Variants in COL27A1 observed in about 807,000 individuals in gnomAD.
COL27A1 encodes collagen type XXVII alpha 1 chain.
In COL27A1, 106 loss-of-function variants were observed where a neutral mutation model predicts 251.3. The observed-to-expected ratio is 0.42, with a 90% CI of 0.36 to 0.50. The LOEUF (loss-of-function observed/expected upper bound fraction) is 0.50. COL27A1 is among the 20% of genes least tolerant of loss of function. The pLI, the probability that COL27A1 is intolerant of heterozygous loss-of-function variation, is 0.00. For synonymous variants in COL27A1, 1,000 were observed against 986.3 expected (o/e 1.01, Z -0.26); for missense variants, 2,325 against 2,522.8 (o/e 0.92, Z 1.68).
chr9:114,202,496 T>C (rs934783450), intron 7 of COL27A1, among the ~76,000 whole-genome samples: 1 of 152,208 alleles, frequency 6.6e-6, no homozygotes, highest in African/African-American at 2.4e-5. Context: ...TTCTTCCTAA[T>C]CTGCAAGCTC....
Position 114,265,819 on chromosome 9 carries a change from C to T in COL27A1, c.3393+344C>T, listed in dbSNP as rs2046890. ...GATAAGAGTAAACGAACAAGCTGAC[C>T]GGGAACTGCAGAGTCCAGCATGGCT... On this transcript the variant is annotated intron_variant, in intron 32 of 60. Coordinates refer to ENST00000356083, the MANE Select transcript of COL27A1 (RefSeq NM_032888.4). Among the ~76,000 whole-genome samples the T allele has an allele frequency of 1.8e-3, 273 of 152,294 alleles. 8 individuals are homozygous for T. In the East Asian group the frequency reaches 0.047, roughly 26 times the overall value.
chr9:114,267,901 C>T (rs1415421215), intron 34 of COL27A1, among the ~76,000 whole-genome samples: 1 of 152,170 alleles, frequency 6.6e-6, no homozygotes, highest in Non-Finnish European at 1.5e-5. Flanking sequence ...TGGGGAGAGC[C>T]CCCTCCCCAT....
intron 28 of COL27A1, among the ~76,000 whole-genome samples, chr9:114,263,031 T>C (rs896079656): frequency 1.8e-4 from 26 of 141,710 alleles, no homozygotes; most frequent in Admixed American, 6.2e-4. Flanking sequence ...CTCCGCCTCC[T>C]GGGTTCAAGC....
chr9:114,155,062 C>G (rs1032625758), upstream of COL27A1, among the ~76,000 whole-genome samples: 40 of 152,020 alleles, frequency 2.6e-4, no homozygotes, highest in African/African-American at 9.2e-4. The surrounding 1 kb of genome is among the most constrained non-coding windows in gnomAD (Gnocchi z 5.5). Context: ...CAAGCCCACC[C>G]TATATGTTCT....
intron 35 of COL27A1, 55 bp downstream of exon 35, chr9:114,269,349 A>G: frequency 7.5e-7 from 1 of 1,325,792 alleles, no homozygotes; most frequent in Admixed American, 2.0e-5. Context: ...TGGGTGCCGC[A>G]GGGGAAGAGA....
chr9:114,179,826 T>A, intron 4 of COL27A1, among the ~76,000 whole-genome samples: 2 of 139,858 alleles, frequency 1.4e-5, no homozygotes, highest in African/African-American at 2.6e-5. Flanking sequence ...CTCCAGAGCC[T>A]ACCATCTTTT....
At chr9:114,167,118 TC>T (rs1174418909) in intron 2 of COL27A1, among the ~76,000 whole-genome samples, 1 of 152,184 alleles carries the variant, frequency 6.6e-6, no homozygotes, top group Non-Finnish European at 1.5e-5. Context: ...GTCATCCTGG[TC>T]CCTCACTTAT....
In COL27A1 at chr9:114,293,589, G is replaced by A. The variant is rs541659431; in HGVS notation, c.4584+1379G>A. On this transcript the variant is annotated intron_variant, in intron 49 of 60. Coordinates refer to ENST00000356083, the MANE Select transcript of COL27A1 (RefSeq NM_032888.4). ...GGAAAATCAAAAGTTAGCTTTTTGA[G>A]ATCTGTAAAACTGATAAACCTCTTG... is the stretch of plus-strand genomic sequence containing the variant. Among the ~76,000 whole-genome samples the A allele has an allele frequency of 1.5e-4, 22 of 148,790 alleles. 1 individual carries two copies. In the South Asian group the frequency reaches 3.8e-3, roughly 26 times the overall value.
intron 59 of COL27A1, 33 bp from the exon 60 acceptor site, chr9:114,309,227 C>T: frequency 6.3e-7 from 1 of 1,597,704 alleles, no homozygotes; most frequent in Non-Finnish European, 8.6e-7. Flanking sequence ...TGGGGGGCAG[C>T]CTGAGCCGCT....
intron 56 of COL27A1, 95 bp downstream of exon 56, chr9:114,302,203 G>T (rs1444556821): frequency 6.7e-6 from 7 of 1,051,372 alleles, no homozygotes; most frequent in African/African-American, 1.6e-5. Flanking sequence ...GGTGGCTAGA[G>T]CCCTAAGCTG....
chr9:114,284,856 C>T, intron 41 of COL27A1, 79 bp downstream of exon 41: 1 of 1,499,556 alleles, frequency 6.7e-7, no homozygotes, highest in South Asian at 1.1e-5. Flanking sequence ...CAGGAGAAAG[C>T]CCCTGGGGTA....
At chr9:114,301,505 C>A in intron 54 of COL27A1, 43 bp downstream of exon 54, 3 of 627,222 alleles carry the variant, frequency 4.8e-6, no homozygotes, top group Non-Finnish European at 8.6e-6. Flanking sequence ...GGGCGTGGGG[C>A]GGGCACCCTG....
At chr9:114,289,052 C>T in intron 44 of COL27A1, 85 bp downstream of exon 44, 1 of 1,505,890 alleles carries the variant, frequency 6.6e-7, no homozygotes, top group South Asian at 1.1e-5. Context: ...CCCTTTAAAG[C>T]TTAAAGGGAC....
At position 114,290,667 on chromosome 9, in the gene COL27A1, C is replaced by G. The variant is rs1026098469; in HGVS notation, c.4369-143C>G. 7.6e-6 allele frequency: 5 copies of G among 654,292 alleles called. No individual in the cohort carries two copies. The Admixed American group carries it at 1.4e-4, about 19-fold the overall frequency. The allele number at this position is 654,292 out of a possible 1,614,324, so 40.5% of individuals were successfully genotyped here. ...TCCTGTCCTCCTGGTCCAGCCACAT[C>G]ACACACAGGCCGTCTGACCTCCATC... is the stretch of plus-strand genomic sequence containing the variant. On this transcript the variant is annotated intron_variant, in intron 47 of 60. Coordinates refer to ENST00000356083, the MANE Select transcript of COL27A1 (RefSeq NM_032888.4). This position sits in a 1 kb window ranked among gnomAD's most constrained non-coding sequence, Gnocchi z 4.6.
chr9:114,187,570 C>T (rs1828460141), intron 5 of COL27A1, among the ~76,000 whole-genome samples: 1 of 152,246 alleles, frequency 6.6e-6, no homozygotes, highest in Admixed American at 6.5e-5. Flanking sequence ...AACTGTCTGA[C>T]CTCAAGGTGT....
At chr9:114,238,252 T>A (rs1832528014) in intron 19 of COL27A1, among the ~76,000 whole-genome samples, 1 of 152,266 alleles carries the variant, frequency 6.6e-6, no homozygotes, top group South Asian at 2.1e-4. Flanking sequence ...TTCTGATGTG[T>A]GTGATCATTG....
At chr9:114,194,299 G>C (rs991847543) in intron 5 of COL27A1, 105 bp from the exon 6 acceptor site, 2 of 1,059,444 alleles carry the variant, frequency 1.9e-6, no homozygotes, top group African/African-American at 1.6e-5. Context: ...AGGATGGATG[G>C]GAAGGCATTT....
intron 3 of COL27A1, among the ~76,000 whole-genome samples, chr9:114,174,886 C>A (rs1827286058): frequency 6.6e-6 from 1 of 152,116 alleles, no homozygotes; most frequent in South Asian, 2.1e-4. Context: ...ATGGGAGAGC[C>A]CTTTGAGGCC....
chr9:114,196,033 T>C lies in COL27A1; in HGVS notation c.2124+21T>C, dbSNP rs1829098955. On this transcript the variant is annotated intron_variant, in intron 7 of 60. Coordinates refer to ENST00000356083, the MANE Select transcript of COL27A1 (RefSeq NM_032888.4). ...GAAAGGTACTGTTTGGTTTTGATGC[T>C]TTGCCTTGCGCAGTGGGCCTCCTAG... The C allele has an allele frequency of 7.4e-6, 12 of 1,612,846 alleles. No homozygotes were observed. In the East Asian group the frequency reaches 2.2e-4, roughly 30 times the overall value.
Sources: allele counts gnomAD v4.1 joint callset (sites outside exome capture counted in the v4.1 genomes callset), GRCh38; gene constraint gnomAD v4.1.1; non-coding constraint Gnocchi (gnomAD v3.1); transcripts MANE v1.5; gene names NCBI Gene and HGNC (gene_info 2026-07-23, HGNC 2026-07-21).